CAP2: variants seen among roughly 807,000 people sequenced by gnomAD.
CAP2 encodes adenylyl cyclase-associated protein 2.
Under a neutral mutation model 57.7 loss-of-function variants are expected in CAP2, and 24 were observed. The ratio of observed to expected loss-of-function variants is 0.42; its 90% confidence interval spans 0.30 to 0.58. The LOEUF (loss-of-function observed/expected upper bound fraction) is 0.58, where lower values mean the gene tolerates loss of function less well. Among genes scored for constraint, CAP2 ranks in the 20% least tolerant of loss-of-function variants. CAP2 has a pLI of 0.22. For missense variants in CAP2, 501 were observed against 590.3 expected (o/e 0.85, Z 1.57); for synonymous variants, 194 against 207.2 (o/e 0.94, Z 0.55).
At chr6:17,451,613 G>A (rs1176721389) in intron 3 of CAP2, among the ~76,000 whole-genome samples, 1 of 151,884 alleles carries the variant, frequency 6.6e-6, no homozygotes, top group African/African-American at 2.4e-5. Flanking sequence ...GGGTTCAAGC[G>A]ATTCTCCTGC....
chr6:17,544,964 C>T (rs188572405), intron 11 of CAP2, among the ~76,000 whole-genome samples: 15 of 152,218 alleles, frequency 9.9e-5, no homozygotes, highest in African/African-American at 2.2e-4. Context: ...AGAAAAAGCC[C>T]GGTACTTCAA....
Position 17,474,294 on chromosome 6 carries a change from T to C in CAP2, c.300+11221T>C, listed in dbSNP as rs150939483. 4.6e-4 allele frequency among the ~76,000 whole-genome samples: 70 copies of C among 151,476 alleles called. No individual in the cohort carries two copies. The East Asian group carries it at 0.013, about 29-fold the overall frequency. On this transcript the variant is annotated intron_variant, in intron 4 of 12. Coordinates refer to ENST00000229922, the MANE Select transcript of CAP2 (RefSeq NM_006366.3). Reference sequence around the variant, plus strand: ...AACACCTCGAAAATGTCCTTCTTGTTTGATATTTTTTTCCCATAACTAAAC... The same window carrying C: ...AACACCTCGAAAATGTCCTTCTTGTCTGATATTTTTTTCCCATAACTAAAC...
intron 4 of CAP2, among the ~76,000 whole-genome samples, chr6:17,488,089 G>T (rs1474523372): frequency 6.6e-6 from 1 of 151,616 alleles, no homozygotes; most frequent in African/African-American, 2.4e-5. Flanking sequence ...TTTAATTTTT[G>T]TAGAGATGAA....
At chr6:17,443,001 GC>G (rs1401141465) in intron 3 of CAP2, among the ~76,000 whole-genome samples, 1 of 152,072 alleles carries the variant, frequency 6.6e-6, no homozygotes. Context: ...ACAGGCATGA[GC>G]CACTGGCCCC....
intron 1 of CAP2, among the ~76,000 whole-genome samples, chr6:17,413,560 G>T (rs768254900): frequency 6.6e-6 from 1 of 152,108 alleles, no homozygotes; most frequent in East Asian, 1.9e-4. Flanking sequence ...GTAGACAGTG[G>T]GAACTGACTG....
At chr6:17,511,544 C>T (rs1313499438) in intron 6 of CAP2, among the ~76,000 whole-genome samples, 3 of 152,106 alleles carry the variant, frequency 2.0e-5, no homozygotes, top group Non-Finnish European at 4.4e-5. Flanking sequence ...CTCTGCCTCC[C>T]GGGTTCAAGC....
intron 7 of CAP2, among the ~76,000 whole-genome samples, chr6:17,521,037 T>C (rs1391435229): frequency 6.6e-6 from 1 of 152,220 alleles, no homozygotes. Flanking sequence ...AGTTTGGGCT[T>C]CTAGGTCCCT....
chr6:17,522,431 G>A (rs946888203), intron 7 of CAP2, among the ~76,000 whole-genome samples: 4 of 152,122 alleles, frequency 2.6e-5, no homozygotes, highest in Non-Finnish European at 4.4e-5. Context: ...TTATTATGAT[G>A]CATAAATAAA....
chr6:17,433,529 G>C (rs924019412), intron 3 of CAP2, among the ~76,000 whole-genome samples: 2 of 152,216 alleles, frequency 1.3e-5, no homozygotes, highest in African/African-American at 4.8e-5. Flanking sequence ...GCCCAGGGCA[G>C]AGGAGAGGGT....
chr6:17,523,329 T>A (rs1011870500), intron 7 of CAP2, among the ~76,000 whole-genome samples: 1 of 152,046 alleles, frequency 6.6e-6, no homozygotes, highest in African/African-American at 2.4e-5. Flanking sequence ...AAGGAGGAGC[T>A]GGTAGAGAAG....
At chr6:17,551,331 A>G in intron 11 of CAP2, 133 bp from the exon 12 acceptor site, 1 of 658,816 alleles carries the variant, frequency 1.5e-6, no homozygotes, top group Non-Finnish European at 2.5e-6. Context: ...TCACCTCCCC[A>G]GCTTTGACCC....
At chr6:17,531,697 T>C in intron 7 of CAP2, 3 of 672,606 alleles carry the variant, frequency 4.5e-6, no homozygotes, top group Non-Finnish European at 7.6e-6. Context: ...CACTAATAGG[T>C]TGTCTGACCT....
Position 17,513,894 on chromosome 6 carries a change from G to A in CAP2, c.576G>A (p.Trp192Ter), listed in dbSNP as rs1175365552. 1.2e-6 allele frequency: 2 copies of A among 1,613,788 alleles called. No homozygotes were observed. Among genetic ancestry groups the A allele is most frequent in the Non-Finnish European group, 8.5e-7 (1 of 1,179,836 alleles). ...GGGTGAAGTCATATTTGAACATTTG[G>A]AGTGAACTTCAAGCATACATCAAGG... is the stretch of plus-strand genomic sequence containing the variant. ...VDWVKSYLNI[W>*]SELQAYIKEH... The change falls in exon 7 of 13, where the codon TGG becomes TGA. Residue 192 changes from tryptophan (W) to a stop codon, truncating the protein, a stop_gained. Coordinates refer to ENST00000229922, the MANE Select transcript of CAP2 (RefSeq NM_006366.3). LOFTEE classifies it high-confidence loss of function. This position sits in a 1 kb window ranked among gnomAD's most constrained non-coding sequence, Gnocchi z 4.3.
rs149350792 is a variant in CAP2, at chr6:17,466,885, C to T, written c.300+3812C>T. 1.5e-3 allele frequency among the ~76,000 whole-genome samples: 229 copies of T among 152,044 alleles called. 1 individual carries two copies. The highest frequency in any genetic ancestry group is 2.1e-3 in the Non-Finnish European group (146 of 68,010). On this transcript the variant is annotated intron_variant, in intron 4 of 12. Transcript: ENST00000229922. ...CAACTGCAGAGGTTTATTTCTTGTGCGCACTATATAGCTATCTGTTGCAAG... is the reference window on the plus strand; with the variant it reads ...CAACTGCAGAGGTTTATTTCTTGTGTGCACTATATAGCTATCTGTTGCAAG...
chr6:17,469,248 G>T (rs1325096629), intron 4 of CAP2, among the ~76,000 whole-genome samples: 1 of 152,260 alleles, frequency 6.6e-6, no homozygotes, highest in Non-Finnish European at 1.5e-5. Context: ...TGAGTAGTTT[G>T]CAGGAGCAGA....
At chr6:17,526,935 C>T (rs35291117) in intron 7 of CAP2, among the ~76,000 whole-genome samples, 1,500 of 121,056 alleles carry the variant, frequency 0.012, 35 homozygotes, top group African/African-American at 0.044. Flanking sequence ...CCAGCCTGGG[C>T]GACAGAGCAA....
At chr6:17,482,873 T>C (rs1361472451) in intron 4 of CAP2, among the ~76,000 whole-genome samples, 1 of 152,220 alleles carries the variant, frequency 6.6e-6, no homozygotes, top group Non-Finnish European at 1.5e-5. Flanking sequence ...TCATATGAAT[T>C]AGTGGGGGGA....
chr6:17,464,937 G>A (rs1258306045), intron 4 of CAP2, among the ~76,000 whole-genome samples: 1 of 152,156 alleles, frequency 6.6e-6, no homozygotes, highest in African/African-American at 2.4e-5. Flanking sequence ...TCCTCACTGG[G>A]TTACCACTCC....
At chr6:17,500,340 A>AATATAT (rs4052821) in intron 4 of CAP2, among the ~76,000 whole-genome samples, 1,549 of 32,900 alleles carry the variant, frequency 0.047, 134 homozygotes, top group East Asian at 0.073. Context: ...TGTGTGTCCA[A>AATATAT]ATATATATAT....
Sources: gnomAD v4.1 joint callset for allele counts (sites outside exome capture counted in the v4.1 genomes callset) on GRCh38, gnomAD v4.1.1 for gene constraint, Gnocchi (gnomAD v3.1) non-coding constraint, MANE v1.5 for transcripts, NCBI Gene and HGNC (gene_info 2026-07-23, HGNC 2026-07-21) for gene names.